The following TFPI variants were observed in gnomAD, a reference collection of about 807,000 sequenced individuals.
The protein encoded by TFPI is tissue factor pathway inhibitor, also known as anti-convertin.
A neutral mutation model predicts 34.6 loss-of-function variants in TFPI; 15 were observed. The observed-to-expected ratio is 0.43, with a 90% CI of 0.29 to 0.67. TFPI has a LOEUF of 0.67. Ranked by LOEUF, TFPI falls within the 30% of genes least tolerant of loss-of-function variation. TFPI has a pLI of 0.15. For missense variants in TFPI, 301 were observed against 364.0 expected (o/e 0.83, Z 1.41); for synonymous variants, 105 against 120.1 (o/e 0.87, Z 0.82).
chr2:187,466,886 A>C lies in TFPI; in HGVS notation c.*50T>G. 9.5e-7 allele frequency: 1 copy of C among 1,047,752 alleles called. No individual in the cohort carries two copies. Among genetic ancestry groups the C allele is most frequent in the Non-Finnish European group, 1.4e-6 (1 of 726,094 alleles). 64.9% of individuals were successfully genotyped at this position (1,047,752 alleles called of 1,614,324 possible). On this transcript the variant is annotated 3_prime_UTR_variant, in exon 8 of 8. Transcript: ENST00000233156. ...GAAAAATAGAAAATCATAGTGAAAC[A>C]TTTCATATAAAATATTTAGTAGAAT...
At chr2:187,481,079 C>T (rs1692819497) in intron 6 of TFPI, among the ~76,000 whole-genome samples, 1 of 151,700 alleles carries the variant, frequency 6.6e-6, no homozygotes, top group Admixed American at 6.6e-5. Flanking sequence ...ATAAATATTT[C>T]ACTTAATAAT....
intron 1 of TFPI, among the ~76,000 whole-genome samples, chr2:187,507,351 T>C (rs1282301983): frequency 6.6e-6 from 1 of 152,208 alleles, no homozygotes; most frequent in South Asian, 2.1e-4. Flanking sequence ...CCATTGTGAA[T>C]AGTGCCGTGA....
chr2:187,495,851 A>T (rs892880950), intron 3 of TFPI, among the ~76,000 whole-genome samples: 1 of 152,124 alleles, frequency 6.6e-6, no homozygotes, highest in Admixed American at 6.6e-5. Context: ...ATGGTAGAAT[A>T]TTGGTCTAGA....
At chr2:187,479,536 A>C (rs1162770485) in intron 6 of TFPI, among the ~76,000 whole-genome samples, 1 of 120,380 alleles carries the variant, frequency 8.3e-6, no homozygotes, top group Non-Finnish European at 1.7e-5. Flanking sequence ...TTTTGGGGGG[A>C]TATCACGTTC....
chr2:187,553,587 A>G (rs1689170352), intron 1 of TFPI, among the ~76,000 whole-genome samples: 1 of 152,188 alleles, frequency 6.6e-6, no homozygotes, highest in South Asian at 2.1e-4. Context: ...TTAATTTACA[A>G]AATTGCACAA....
At position 187,465,507 on chromosome 2, in the gene TFPI, A is replaced by G. The variant is rs552509818; in HGVS notation, c.*1429T>C. 1 of 133,168 alleles carries G rather than the reference A, an allele frequency of 7.5e-6. No individual in the cohort carries two copies. Among genetic ancestry groups the G allele is most frequent in the Admixed American group, 7.4e-5 (1 of 13,584 alleles). 8.2% of individuals were successfully genotyped at this position (133,168 alleles called of 1,614,324 possible). A position where few individuals can be genotyped will look rare whatever the true frequency, so the allele number is the denominator to read the frequency against. ...AAAACAAAATGAAAAAAAAAAAAAA[A>G]CAAGAAAAAAGAAAAGAAAAAGAAA... is the stretch of plus-strand genomic sequence containing the variant. On this transcript the variant is annotated 3_prime_UTR_variant, in exon 8 of 8. Transcript: ENST00000233156.
chr2:187,536,995 A>T (rs748093193), intron 1 of TFPI, among the ~76,000 whole-genome samples: 25 of 152,346 alleles, frequency 1.6e-4, no homozygotes, highest in Non-Finnish European at 2.8e-4. Flanking sequence ...GTTGCTACAA[A>T]GAGAATAAAA....
At chr2:187,552,318 T>C (rs982742746) in intron 1 of TFPI, among the ~76,000 whole-genome samples, 7 of 152,054 alleles carry the variant, frequency 4.6e-5, no homozygotes, top group Admixed American at 4.6e-4. Flanking sequence ...TTGGCATTTT[T>C]TCTCCATTAG....
intron 1 of TFPI, among the ~76,000 whole-genome samples, chr2:187,522,744 A>C (rs1344138883): frequency 6.9e-6 from 1 of 145,984 alleles, no homozygotes; most frequent in East Asian, 2.0e-4. Context: ...AAAAAAAAAA[A>C]CCCAGGCACG....
At chr2:187,487,981 G>A (rs1214966228) in intron 4 of TFPI, among the ~76,000 whole-genome samples, 1 of 151,330 alleles carries the variant, frequency 6.6e-6, no homozygotes, top group Admixed American at 6.6e-5. Flanking sequence ...AAAATAGCAT[G>A]TGTGGCTCTG....
chr2:187,512,645 A>C (rs1686724685), intron 1 of TFPI, among the ~76,000 whole-genome samples: 1 of 152,214 alleles, frequency 6.6e-6, no homozygotes, highest in South Asian at 2.1e-4. Flanking sequence ...GTGTGCTAAA[A>C]GTTAACAGTG....
At chr2:187,530,096 G>A (rs1687885871) in intron 1 of TFPI, among the ~76,000 whole-genome samples, 1 of 152,152 alleles carries the variant, frequency 6.6e-6, no homozygotes, top group African/African-American at 2.4e-5. Flanking sequence ...CAATAAGAAG[G>A]AAAGACTTGG....
intron 1 of TFPI, among the ~76,000 whole-genome samples, chr2:187,553,931 C>T (rs544199912): frequency 1.1e-4 from 17 of 152,180 alleles, no homozygotes; most frequent in African/African-American, 4.1e-4. Flanking sequence ...GCTACATACA[C>T]CAATTAGTTA....
At chr2:187,525,859 T>G (rs1342149636) in intron 1 of TFPI, among the ~76,000 whole-genome samples, 1 of 102,230 alleles carries the variant, frequency 9.8e-6, no homozygotes, top group Non-Finnish European at 1.8e-5. Context: ...TTTTTAGCAC[T>G]TTGTTATGGC....
chr2:187,477,508 A>G (rs1692460114), intron 6 of TFPI, among the ~76,000 whole-genome samples: 1 of 152,034 alleles, frequency 6.6e-6, no homozygotes, highest in Non-Finnish European at 1.5e-5. Context: ...AGTGCTTGTG[A>G]TGGCCTGTGG....
intron 6 of TFPI, among the ~76,000 whole-genome samples, chr2:187,476,496 T>A (rs986598734): frequency 2.0e-5 from 3 of 152,000 alleles, no homozygotes; most frequent in Admixed American, 2.0e-4. Flanking sequence ...CAGGCCACCA[T>A]ACTGAGCTAA....
At chr2:187,494,627 G>A (rs1030211955) in intron 3 of TFPI, among the ~76,000 whole-genome samples, 10 of 152,042 alleles carry the variant, frequency 6.6e-5, no homozygotes, top group South Asian at 2.1e-4. Flanking sequence ...CCTTAGGTGC[G>A]TTTTTAAAAG....
chr2:187,551,735 C>T (rs1192147763), intron 1 of TFPI, among the ~76,000 whole-genome samples: 1 of 152,062 alleles, frequency 6.6e-6, no homozygotes, highest in Non-Finnish European at 1.5e-5. Context: ...CAAGTTTCTC[C>T]TAATGCACAT....
At chr2:187,484,525 A>C in intron 5 of TFPI, 1 of 480,960 alleles carries the variant, frequency 2.1e-6, no homozygotes, top group Non-Finnish European at 3.6e-6. Flanking sequence ...TATTTGTATA[A>C]ATGTGAAAGA....
Sources: gnomAD v4.1 joint callset for allele counts (sites outside exome capture counted in the v4.1 genomes callset) on GRCh38, gnomAD v4.1.1 for gene constraint, MANE v1.5 for transcripts, NCBI Gene and HGNC (gene_info 2026-07-23, HGNC 2026-07-21) for gene names.